Variants in FMNL2 observed in about 807,000 individuals in gnomAD.
FMNL2 encodes the protein formin like 2.
A neutral mutation model predicts 130.2 loss-of-function variants in FMNL2; 51 were observed. The ratio of observed to expected loss-of-function variants is 0.39; its 90% CI spans 0.31 to 0.49. FMNL2 has a LOEUF of 0.49. Among genes scored for constraint, FMNL2 ranks in the 20% least tolerant of loss-of-function variants. The pLI, the probability that FMNL2 is intolerant of heterozygous loss-of-function variation, is 0.85. For missense variants in FMNL2, 977 were observed against 1,316.2 expected, an observed-to-expected ratio of 0.74 and a Z score of 3.99; for synonymous variants, 465 against 467.1, an observed-to-expected ratio of 1.00 and a Z score of 0.06.
chr2:152,365,812 G>A (rs184209270), intron 1 of FMNL2, among the ~76,000 whole-genome samples: 158 of 152,218 alleles, frequency 1.0e-3, no homozygotes, highest in African/African-American at 3.6e-3. Flanking sequence ...CAGACAGTCA[G>A]CAGCTATGAG....
Position 152,633,184 on chromosome 2 carries a change from C to T in FMNL2, c.2680+1047C>T, listed in dbSNP as rs1682299178. Reference sequence around the variant, plus strand: ...GATCACAGCTCACTGCAGTCCTGACCTCCCAGGCTGAAACGATCCTCCCAC... The same window carrying T: ...GATCACAGCTCACTGCAGTCCTGACTTCCCAGGCTGAAACGATCCTCCCAC... On this transcript the variant is annotated intron_variant, in intron 21 of 25. Transcript: ENST00000288670. Among the ~76,000 whole-genome samples the T allele has an allele frequency of 2.0e-5, 3 of 151,862 alleles. No individual in the cohort carries two copies. The South Asian group carries it at 6.2e-4, about 32-fold the overall frequency.
chr2:152,372,416 T>C lies in FMNL2; in HGVS notation c.117+36696T>C, dbSNP rs1683940384. Among the ~76,000 whole-genome samples the C allele has an allele frequency of 2.0e-5, 3 of 152,334 alleles. No homozygotes were observed. In the South Asian group the frequency reaches 6.2e-4, roughly 32 times the overall value. ...TAAATTGCACAGCATGCACCATAGG[T>C]GCATTCTTTATATGGTTCATGGGAG... On this transcript the variant is annotated intron_variant, in intron 1 of 25. Coordinates refer to ENST00000288670, the MANE Select transcript of FMNL2 (RefSeq NM_052905.4).
chr2:152,425,955 G>A (rs566151172), intron 1 of FMNL2, among the ~76,000 whole-genome samples: 3 of 152,302 alleles, frequency 2.0e-5, no homozygotes, highest in South Asian at 2.1e-4. Flanking sequence ...ATTTTCTGTG[G>A]AGGATTCTCT....
chr2:152,505,411 A>C (rs1692111455), intron 1 of FMNL2, among the ~76,000 whole-genome samples: 1 of 152,254 alleles, frequency 6.6e-6, no homozygotes, highest in Non-Finnish European at 1.5e-5. Flanking sequence ...CTATTTTAAA[A>C]TGAAATATTA....
intron 21 of FMNL2, among the ~76,000 whole-genome samples, chr2:152,632,418 T>C (rs958057663): frequency 6.6e-6 from 1 of 152,244 alleles, no homozygotes; most frequent in African/African-American, 2.4e-5. Flanking sequence ...ATTCTGCTGC[T>C]ATTGTATGAA....
rs146716481 is a variant in FMNL2 at position 152,597,041 on chromosome 2, T to G, written c.877-10298T>G. ...GGGAAAATAATGGTACACTGAGTTA[T>G]CTAGATCTTCTAATAATTGGCACAT... is the stretch of plus-strand genomic sequence containing the variant. On this transcript the variant is annotated intron_variant, in intron 9 of 25. Coordinates refer to ENST00000288670, the MANE Select transcript of FMNL2 (RefSeq NM_052905.4). 6.3e-3 allele frequency among the ~76,000 whole-genome samples: 955 copies of G among 152,346 alleles called. 9 individuals carry two copies. Among genetic ancestry groups the G allele is most frequent in the African/African-American group, 0.022 (895 of 41,580 alleles).
intron 21 of FMNL2, among the ~76,000 whole-genome samples, chr2:152,633,894 G>C (rs113164178): frequency 0.012 from 1,784 of 152,308 alleles, 23 homozygotes; most frequent in Non-Finnish European, 0.016. Flanking sequence ...TTGCTCTCTG[G>C]TGCCCAGGTT....
intron 1 of FMNL2, among the ~76,000 whole-genome samples, chr2:152,521,289 G>T (rs73002194): frequency 0.014 from 2,077 of 152,258 alleles, 44 homozygotes; most frequent in African/African-American, 0.048. Flanking sequence ...TAAGAGGAGG[G>T]TTTATACGAG....
intron 1 of FMNL2, among the ~76,000 whole-genome samples, chr2:152,435,841 T>C (rs760507163): frequency 1.3e-5 from 2 of 152,188 alleles, no homozygotes; most frequent in Non-Finnish European, 2.9e-5. Flanking sequence ...TTATAGGAGT[T>C]AGAAGGATCT....
chr2:152,337,738 C>T (rs1280765560), intron 1 of FMNL2, among the ~76,000 whole-genome samples: 9 of 152,136 alleles, frequency 5.9e-5, no homozygotes, highest in African/African-American at 2.2e-4. Context: ...CTGTGTGTCG[C>T]AGTTACTGGG....
Position 152,473,384 on chromosome 2 carries a change from T to A in FMNL2, c.118-48559T>A, listed in dbSNP as rs541514052. On this transcript the variant is annotated intron_variant, in intron 1 of 25. Transcript: ENST00000288670. ...GTACCTGGCTTTTATATGTTTGTTCTGAGTCATGATCCTAGTGTTGTGGGA... is the reference window on the plus strand; with the variant it reads ...GTACCTGGCTTTTATATGTTTGTTCAGAGTCATGATCCTAGTGTTGTGGGA... 2.0e-5 allele frequency among the ~76,000 whole-genome samples: 3 copies of A among 152,262 alleles called. No homozygotes were observed. In the East Asian group the frequency reaches 5.8e-4, roughly 29 times the overall value.
intron 7 of FMNL2, among the ~76,000 whole-genome samples, chr2:152,578,149 A>G (rs990217101): frequency 6.6e-6 from 1 of 152,140 alleles, no homozygotes; most frequent in African/African-American, 2.4e-5. Flanking sequence ...GGTAAGCCAC[A>G]AATCTGTGTG....
chr2:152,342,558 A>G lies in FMNL2; in HGVS notation c.117+6838A>G, dbSNP rs143552392. On this transcript the variant is annotated intron_variant, in intron 1 of 25. Coordinates refer to ENST00000288670, the MANE Select transcript of FMNL2 (RefSeq NM_052905.4). ...TCATGTACCTTCTTAGTTCTCACCTACTTGAACACTGGGGACAGAGATAGC... is the reference window on the plus strand; with the variant it reads ...TCATGTACCTTCTTAGTTCTCACCTGCTTGAACACTGGGGACAGAGATAGC... 3.5e-3 allele frequency among the ~76,000 whole-genome samples: 536 copies of G among 152,244 alleles called. 2 individuals carry two copies. Among genetic ancestry groups the G allele is most frequent in the African/African-American group, 0.012 (491 of 41,544 alleles).
At chr2:152,562,157 A>G (rs1173952434) in intron 6 of FMNL2, among the ~76,000 whole-genome samples, 1 of 152,208 alleles carries the variant, frequency 6.6e-6, no homozygotes, top group Non-Finnish European at 1.5e-5. Flanking sequence ...ACAAGTTTGT[A>G]ACGGTTTCTG....
chr2:152,641,662 C>G (rs1042707934), intron 25 of FMNL2, among the ~76,000 whole-genome samples: 4 of 152,146 alleles, frequency 2.6e-5, no homozygotes, highest in Non-Finnish European at 5.9e-5. Context: ...CCATGTATCC[C>G]TCATCCATTT....
In FMNL2 at chr2:152,479,718, G is replaced by GT. The variant is rs749726414; in HGVS notation, c.118-42202dup. On this transcript the variant is annotated intron_variant, in intron 1 of 25. Coordinates refer to ENST00000288670, the MANE Select transcript of FMNL2 (RefSeq NM_052905.4). The stretch of plus-strand genomic sequence containing the variant: ...GATGGATTCATGGATGTTGTGGGTT[G>GT]TTTTTTTTTTTTTTTTTTTTTTTAC... Among the ~76,000 whole-genome samples the GT allele has an allele frequency of 3.2e-3, 313 of 96,692 alleles. 1 individual carries two copies. The highest frequency in any genetic ancestry group is 4.6e-3 in the Non-Finnish European group (217 of 47,486). The allele number at this position is 96,692 out of a possible 152,430, so 63.4% of individuals were successfully genotyped here.
chr2:152,475,169 A>C (rs1690080430), intron 1 of FMNL2, among the ~76,000 whole-genome samples: 1 of 152,374 alleles, frequency 6.6e-6, no homozygotes, highest in East Asian at 1.9e-4. Flanking sequence ...CAAATATAAA[A>C]ATGAATGGTG....
chr2:152,478,059 T>G (rs1217604178), intron 1 of FMNL2, among the ~76,000 whole-genome samples: 2 of 151,800 alleles, frequency 1.3e-5, no homozygotes, highest in Non-Finnish European at 2.9e-5. Context: ...AGAATCTTTG[T>G]TACCCAAATT....
intron 9 of FMNL2, among the ~76,000 whole-genome samples, chr2:152,589,559 T>C (rs546879121): frequency 6.6e-6 from 1 of 152,320 alleles, no homozygotes; most frequent in Non-Finnish European, 1.5e-5. Context: ...TCCCTAAACA[T>C]GAGCTTTCAC....
Sources: gnomAD v4.1 joint callset for allele counts (sites outside exome capture counted in the v4.1 genomes callset) on GRCh38, gnomAD v4.1.1 for gene constraint, MANE v1.5 for transcripts, NCBI Gene and HGNC (gene_info 2026-07-23, HGNC 2026-07-21) for gene names.